The following PRKN variants were observed in gnomAD, a reference collection of about 807,000 sequenced individuals.
PRKN encodes E3 ubiquitin-protein ligase parkin.
Under a neutral mutation model 59.5 loss-of-function variants are expected in PRKN, and 56 were observed. The observed-to-expected ratio is 0.94, with a 90% CI of 0.76 to 1.18. The LOEUF is 1.18. PRKN is among the 50% of genes most tolerant of loss of function. The pLI is 0.00. For missense variants in PRKN, 657 were observed against 596.4 expected, an observed-to-expected ratio of 1.10 and a Z score of -1.06; for synonymous variants, 250 against 222.1, an observed-to-expected ratio of 1.13 and a Z score of -1.12.
intron 7 of PRKN, among the ~76,000 whole-genome samples, chr6:161,603,066 A>G (rs1562553424): frequency 6.6e-6 from 1 of 152,250 alleles, no homozygotes; most frequent in Non-Finnish European, 1.5e-5. Flanking sequence ...TCCTTAGTTT[A>G]GAAACAAGGA....
intron 6 of PRKN, among the ~76,000 whole-genome samples, chr6:161,898,320 A>G (rs1777738713): frequency 6.6e-6 from 1 of 152,196 alleles, no homozygotes; most frequent in South Asian, 2.1e-4. Context: ...TATAAGGTAG[A>G]AGGGAAATGA....
chr6:162,389,178 T>C (rs950421783), intron 2 of PRKN, among the ~76,000 whole-genome samples: 19 of 151,752 alleles, frequency 1.3e-4, no homozygotes, highest in Non-Finnish European at 2.4e-4. Flanking sequence ...CCTAGCTCAG[T>C]GAGGGTGGTG....
At chr6:162,027,476 G>A (rs1192314640) in intron 5 of PRKN, among the ~76,000 whole-genome samples, 2 of 152,186 alleles carry the variant, frequency 1.3e-5, no homozygotes, top group East Asian at 3.9e-4. Flanking sequence ...ATATTCTTGT[G>A]TAGAAAAACC....
At chr6:161,536,730 G>A (rs993814671) in intron 9 of PRKN, among the ~76,000 whole-genome samples, 1 of 152,136 alleles carries the variant, frequency 6.6e-6, no homozygotes, top group African/African-American at 2.4e-5. Flanking sequence ...TTAATGTGAT[G>A]CTCAGAATAT....
At chr6:161,829,475 T>C (rs111726061) in intron 6 of PRKN, among the ~76,000 whole-genome samples, 6 of 152,170 alleles carry the variant, frequency 3.9e-5, no homozygotes, top group Non-Finnish European at 1.5e-5. Context: ...AGGCTCTCTG[T>C]GCTCCCTGCG....
intron 6 of PRKN, among the ~76,000 whole-genome samples, chr6:161,950,729 G>C (rs544477396): frequency 3.9e-5 from 6 of 152,230 alleles, no homozygotes; most frequent in African/African-American, 1.4e-4. Flanking sequence ...TGGTTTATCA[G>C]GTATGAGGGA....
intron 3 of PRKN, among the ~76,000 whole-genome samples, chr6:162,227,789 A>G (rs781331091): frequency 2.0e-5 from 3 of 152,144 alleles, no homozygotes; most frequent in South Asian, 2.1e-4. Context: ...TGGCAAATGC[A>G]TTCTCACCAT....
At chr6:162,472,411 T>C (rs1791793375) in intron 1 of PRKN, among the ~76,000 whole-genome samples, 1 of 144,112 alleles carries the variant, frequency 6.9e-6, no homozygotes, top group Non-Finnish European at 1.5e-5. Flanking sequence ...GTGTTCTCAT[T>C]GTTCAATTCC....
At chr6:161,856,637 G>A (rs2128223577) in intron 6 of PRKN, among the ~76,000 whole-genome samples, 1 of 152,116 alleles carries the variant, frequency 6.6e-6, no homozygotes, top group South Asian at 2.1e-4. Flanking sequence ...TCTCCCCAGA[G>A]AACATCATAG....
At chr6:161,775,109 G>A (rs559341963) in intron 7 of PRKN, among the ~76,000 whole-genome samples, 17 of 152,120 alleles carry the variant, frequency 1.1e-4, no homozygotes, top group Non-Finnish European at 2.2e-4. Context: ...GATTGCATGT[G>A]GATAGGCTCT....
intron 2 of PRKN, among the ~76,000 whole-genome samples, chr6:162,378,546 T>A (rs1383966194): frequency 6.6e-6 from 1 of 152,260 alleles, no homozygotes; most frequent in African/African-American, 2.4e-5. Flanking sequence ...TTTTAAGGCA[T>A]GATTATTCAA....
intron 6 of PRKN, among the ~76,000 whole-genome samples, chr6:161,857,350 G>C (rs1017754324): frequency 6.6e-6 from 1 of 152,168 alleles, no homozygotes; most frequent in Non-Finnish European, 1.5e-5. Context: ...TATGAGTAGG[G>C]TTGCATTTCA....
At chr6:161,883,788 G>C (rs1173140493) in intron 6 of PRKN, among the ~76,000 whole-genome samples, 5 of 152,146 alleles carry the variant, frequency 3.3e-5, no homozygotes, top group South Asian at 4.2e-4. Context: ...AAGTAGCTGG[G>C]ATTACAGCCG....
chr6:161,795,174 G>T (rs532897089), intron 6 of PRKN, among the ~76,000 whole-genome samples: 1 of 151,180 alleles, frequency 6.6e-6, no homozygotes, highest in Non-Finnish European at 1.5e-5. Flanking sequence ...ATGAGTCACC[G>T]TGCCTGGCCT....
intron 1 of PRKN, among the ~76,000 whole-genome samples, chr6:162,618,890 C>G (rs911518167): frequency 7.9e-5 from 12 of 152,190 alleles, no homozygotes; most frequent in Non-Finnish European, 1.6e-4. Context: ...GAGAGCCATA[C>G]TCTCTCAGGG....
intron 5 of PRKN, among the ~76,000 whole-genome samples, chr6:162,001,075 G>C (rs1782036646): frequency 6.6e-6 from 1 of 151,962 alleles, no homozygotes; most frequent in African/African-American, 2.4e-5. Flanking sequence ...AAATTGGATA[G>C]TGTCAGTCCT....
chr6:162,146,473 A>C (rs1358126546), intron 4 of PRKN, among the ~76,000 whole-genome samples: 1 of 150,870 alleles, frequency 6.6e-6, no homozygotes, highest in Non-Finnish European at 1.5e-5. Flanking sequence ...CTAAACATAT[A>C]TATATACGTA....
At chr6:161,906,117 G>A (rs1778135913) in intron 6 of PRKN, among the ~76,000 whole-genome samples, 1 of 152,072 alleles carries the variant, frequency 6.6e-6, no homozygotes, top group South Asian at 2.1e-4. Flanking sequence ...ACAGGTATGG[G>A]CCAGTATGCT....
chr6:162,672,447 T>C (rs1779359639), intron 1 of PRKN, among the ~76,000 whole-genome samples: 1 of 152,170 alleles, frequency 6.6e-6, no homozygotes, highest in Non-Finnish European at 1.5e-5. Flanking sequence ...ATTGGGAATT[T>C]TGAAAAATCA....
Sources: allele counts gnomAD v4.1 joint callset (sites outside exome capture counted in the v4.1 genomes callset), GRCh38; gene constraint gnomAD v4.1.1; transcripts MANE v1.5; gene names NCBI Gene and HGNC (gene_info 2026-07-23, HGNC 2026-07-21).